Variants in OSBP2 observed in about 807,000 individuals in gnomAD.
The protein encoded by OSBP2 is oxysterol binding protein 2.
OSBP2 carries 66 observed loss-of-function variants against 96.0 expected under a neutral mutation model. That is an observed-to-expected ratio of 0.69 (90% CI 0.56 to 0.84). The LOEUF is 0.84. OSBP2 is among the 40% of genes least tolerant of loss of function. The pLI is 0.00. For missense variants in OSBP2, 1,038 were observed against 1,222.7 expected (o/e 0.85, Z 2.25); for synonymous variants, 525 against 520.9 (o/e 1.01, Z -0.11).
At chr22:30,877,637 T>C (rs1196958648) in intron 3 of OSBP2, among the ~76,000 whole-genome samples, 1 of 152,176 alleles carries the variant, frequency 6.6e-6, no homozygotes, top group Non-Finnish European at 1.5e-5. Flanking sequence ...GGCTGGGGCG[T>C]GCTCTCCCCT....
intron 2 of OSBP2, among the ~76,000 whole-genome samples, chr22:30,815,110 C>T (rs1273187900): frequency 1.3e-5 from 2 of 152,102 alleles, no homozygotes; most frequent in South Asian, 2.1e-4. Flanking sequence ...GGTGAAACCC[C>T]ATCTCTACAA....
At chr22:30,840,674 A>G (rs1484752294) in intron 2 of OSBP2, among the ~76,000 whole-genome samples, 1 of 152,222 alleles carries the variant, frequency 6.6e-6, no homozygotes, top group Admixed American at 6.5e-5. Flanking sequence ...ATAACTCAGA[A>G]TAGTGTCTGG....
At chr22:30,821,313 G>A (rs2038267117) in intron 2 of OSBP2, among the ~76,000 whole-genome samples, 2 of 152,206 alleles carry the variant, frequency 1.3e-5, no homozygotes, top group African/African-American at 2.4e-5. Context: ...CAGAGTGGGA[G>A]CAGAGAGACT....
intron 3 of OSBP2, among the ~76,000 whole-genome samples, chr22:30,876,534 G>A (rs564099868): frequency 1.7e-3 from 264 of 152,346 alleles, no homozygotes; most frequent in African/African-American, 6.0e-3. Context: ...CACGATTCCT[G>A]AGCATCTCTG....
chr22:30,844,034 C>G (rs560553319), intron 2 of OSBP2, among the ~76,000 whole-genome samples: 1 of 152,128 alleles, frequency 6.6e-6, no homozygotes, highest in South Asian at 2.1e-4. Context: ...ACCAACATGC[C>G]CAGCTTACTT....
intron 2 of OSBP2, among the ~76,000 whole-genome samples, chr22:30,832,878 G>T (rs1320265398): frequency 3.9e-5 from 6 of 152,192 alleles, no homozygotes; most frequent in African/African-American, 1.4e-4. Flanking sequence ...CACAGCAGCA[G>T]GAGCTGCATT....
chr22:30,753,792 AG>A (rs2090107531), intron 2 of OSBP2, among the ~76,000 whole-genome samples: 1 of 152,198 alleles, frequency 6.6e-6, no homozygotes, highest in South Asian at 2.1e-4. Flanking sequence ...GCAACCCTTC[AG>A]GGGGAAACAA....
At chr22:30,713,395 G>A (rs950843420) in intron 1 of OSBP2, among the ~76,000 whole-genome samples, 1 of 151,752 alleles carries the variant, frequency 6.6e-6, no homozygotes, top group Non-Finnish European at 1.5e-5. Flanking sequence ...TTATTTTTAT[G>A]ATTTTTTTCT....
intron 2 of OSBP2, among the ~76,000 whole-genome samples, chr22:30,789,474 G>A (rs2090642852): frequency 6.6e-6 from 1 of 152,142 alleles, no homozygotes; most frequent in Non-Finnish European, 1.5e-5. Flanking sequence ...CCATTTCCAG[G>A]AGCCTGCAGC....
chr22:30,763,843 C>A lies in OSBP2; in HGVS notation c.853+22474C>A, dbSNP rs141563142. ...TAACCCTATCCTGGGGGACCTTGACCCCCAGCCCACTTGGGGTCTCTGCTC... is the reference window on the plus strand; with the variant it reads ...TAACCCTATCCTGGGGGACCTTGACACCCAGCCCACTTGGGGTCTCTGCTC... On this transcript the variant is annotated intron_variant, in intron 2 of 13. Coordinates refer to ENST00000332585, the MANE Select transcript of OSBP2 (RefSeq NM_030758.4). Among the ~76,000 whole-genome samples, 916 of 152,242 alleles carry A rather than the reference C, an allele frequency of 6.0e-3. 8 individuals carry two copies. Among genetic ancestry groups the A allele is most frequent in the African/African-American group, 0.021 (865 of 41,524 alleles).
intron 3 of OSBP2, among the ~76,000 whole-genome samples, chr22:30,882,505 A>AT (rs1278636317): frequency 5.0e-5 from 5 of 100,134 alleles, no homozygotes; most frequent in African/African-American, 1.8e-4. Context: ...CATGCACACT[A>AT]TAAAAAAAAA....
rs375619587 is a variant in OSBP2, at chr22:30,818,783, A to G, written c.854-51646A>G. Among the ~76,000 whole-genome samples, 5 of 152,330 alleles carry G rather than the reference A, an allele frequency of 3.3e-5. No homozygotes were observed. In the East Asian group the frequency reaches 7.7e-4, roughly 24 times the overall value. ...GCCCAGCTTCTAGGGAGGCTGTTGC[A>G]GGAGCAGCAGCCCAGGTGGGGCGTG... On this transcript the variant is annotated intron_variant, in intron 2 of 13. Transcript: ENST00000332585.
intron 2 of OSBP2, among the ~76,000 whole-genome samples, chr22:30,790,384 C>G (rs142471595): frequency 6.6e-5 from 10 of 152,218 alleles, no homozygotes; most frequent in African/African-American, 1.7e-4. Context: ...GGCCACTCTT[C>G]TAGTTTCCAT....
intron 1 of OSBP2, among the ~76,000 whole-genome samples, chr22:30,731,177 T>A (rs1422728419): frequency 4.6e-5 from 7 of 151,412 alleles, no homozygotes; most frequent in African/African-American, 1.2e-4. Context: ...CCATCTCAAA[T>A]AAATAAATAA....
chr22:30,867,967 G>A (rs2039379545), intron 2 of OSBP2, among the ~76,000 whole-genome samples: 1 of 152,248 alleles, frequency 6.6e-6, no homozygotes, highest in Admixed American at 6.5e-5. Context: ...GAACCTGGAA[G>A]ATGACGTGTG....
intron 2 of OSBP2, among the ~76,000 whole-genome samples, chr22:30,748,062 A>T (rs970737645): frequency 8.6e-4 from 130 of 151,840 alleles, no homozygotes; most frequent in Non-Finnish European, 2.4e-4. Flanking sequence ...TTTTTAGTAG[A>T]GGCAGGGTTT....
At chr22:30,843,702 A>G (rs745884518) in intron 2 of OSBP2, among the ~76,000 whole-genome samples, 2 of 152,006 alleles carry the variant, frequency 1.3e-5, no homozygotes, top group Non-Finnish European at 2.9e-5. Flanking sequence ...CATCTCTACC[A>G]AAATAAAAAA....
intron 2 of OSBP2, among the ~76,000 whole-genome samples, chr22:30,865,795 A>G (rs569993610): frequency 6.6e-6 from 1 of 152,140 alleles, no homozygotes; most frequent in Non-Finnish European, 1.5e-5. Flanking sequence ...AGCCACTAAT[A>G]TCCCCGGTGT....
chr22:30,821,895 T>G (rs755964775), intron 2 of OSBP2, among the ~76,000 whole-genome samples: 1 of 152,256 alleles, frequency 6.6e-6, no homozygotes, highest in Non-Finnish European at 1.5e-5. Context: ...AACCTTGTAA[T>G]TAACTTTGCT....
Sources: gnomAD v4.1 joint callset for allele counts (sites outside exome capture counted in the v4.1 genomes callset) on GRCh38, gnomAD v4.1.1 for gene constraint, MANE v1.5 for transcripts, NCBI Gene and HGNC (gene_info 2026-07-23, HGNC 2026-07-21) for gene names.